Variants in SAXO1 observed in about 807,000 individuals in gnomAD.
SAXO1 encodes the protein 4930500O09Rik.
In SAXO1, 21 loss-of-function variants were observed where a neutral mutation model predicts 17.5. The ratio of observed to expected loss-of-function variants is 1.20; its 90% CI spans 0.85 to 1.72. The LOEUF is 1.72. Ranked by LOEUF, SAXO1 falls within the 40% of genes most tolerant of loss-of-function variation. The probability of loss-of-function intolerance (pLI) is 0.00; values close to 1 mark genes in which losing one functional copy is unlikely to be tolerated. For missense variants in SAXO1, 843 were observed against 596.0 expected (o/e 1.41, Z -4.32); for synonymous variants, 274 against 216.5 (o/e 1.27, Z -2.33).
chr9:19,045,888 G>A (rs78710394), intron 1 of SAXO1, among the ~76,000 whole-genome samples: 3 of 152,100 alleles, frequency 2.0e-5, no homozygotes, highest in Middle Eastern at 3.4e-3. Flanking sequence ...ACTGCCGGGC[G>A]CGGTGGCTCA....
intron 1 of SAXO1, chr9:19,026,987 G>T (rs1057260138): frequency 2.2e-5 from 20 of 907,966 alleles, no homozygotes; most frequent in Non-Finnish European, 3.1e-5. Context: ...CATGGCTTCT[G>T]GACAGTGAGA....
intron 3 of SAXO1, among the ~76,000 whole-genome samples, chr9:18,933,138 A>G (rs1056710141): frequency 2.6e-5 from 4 of 152,122 alleles, no homozygotes; most frequent in Admixed American, 2.0e-4. Context: ...AGTCTTTCAC[A>G]TTAAGTATGA....
intron 1 of SAXO1, among the ~76,000 whole-genome samples, chr9:19,048,393 G>T (rs368466946): frequency 5.9e-5 from 9 of 152,258 alleles, no homozygotes; most frequent in African/African-American, 2.2e-4. Context: ...GGAGGCGTAG[G>T]TTGCAGTGAG....
intron 1 of SAXO1, among the ~76,000 whole-genome samples, chr9:18,958,222 G>A (rs368753497): frequency 1.3e-5 from 2 of 152,110 alleles, no homozygotes; most frequent in East Asian, 1.9e-4. Context: ...TCAGGGGTTC[G>A]AGACTAGCTT....
intron 1 of SAXO1, among the ~76,000 whole-genome samples, chr9:18,973,766 G>C (rs1833035139): frequency 6.6e-6 from 1 of 152,188 alleles, no homozygotes; most frequent in African/African-American, 2.4e-5. Context: ...AGATACAGAA[G>C]GTGTTTAGTC....
intron 1 of SAXO1, among the ~76,000 whole-genome samples, chr9:19,002,384 ACTCT>A (rs1834313115): frequency 1.3e-5 from 2 of 152,324 alleles, no homozygotes; most frequent in East Asian, 1.9e-4. Flanking sequence ...CTCCTCTCTC[ACTCT>A]TTCTATGAGG....
chr9:19,047,933 G>A (rs1836261241), intron 1 of SAXO1, among the ~76,000 whole-genome samples: 1 of 152,146 alleles, frequency 6.6e-6, no homozygotes, highest in Non-Finnish European at 1.5e-5. Flanking sequence ...GGTGAAAGGC[G>A]ATCAGATAAG....
intron 1 of SAXO1, among the ~76,000 whole-genome samples, chr9:19,003,977 T>C (rs968020608): frequency 2.6e-5 from 4 of 152,096 alleles, no homozygotes; most frequent in Non-Finnish European, 5.9e-5. Context: ...GAGAAAAATT[T>C]TGCAATCTAT....
At chr9:18,990,912 A>G (rs1156956806) in intron 1 of SAXO1, among the ~76,000 whole-genome samples, 1 of 152,198 alleles carries the variant, frequency 6.6e-6, no homozygotes, top group East Asian at 1.9e-4. Flanking sequence ...TTGATTCTAC[A>G]TTACAGTGAG....
chr9:18,956,113 T>TCC (rs1563942081), intron 1 of SAXO1, among the ~76,000 whole-genome samples: 3 of 132,966 alleles, frequency 2.3e-5, no homozygotes, highest in Non-Finnish European at 4.6e-5. Flanking sequence ...CTGGCTAATT[T>TCC]TTTTTTTTTT....
At chr9:18,955,939 C>CTT (rs33993984) in intron 1 of SAXO1, among the ~76,000 whole-genome samples, 34,075 of 148,934 alleles carry the variant, frequency 0.23, 7,040 homozygotes, top group African/African-American at 0.56. Context: ...TACTTTTAAA[C>CTT]TTTTTTTTTT....
At chr9:19,028,891 C>A (rs577742838) in intron 1 of SAXO1, among the ~76,000 whole-genome samples, 43 of 152,192 alleles carry the variant, frequency 2.8e-4, no homozygotes, top group Non-Finnish European at 5.9e-4. Context: ...CTGAGCTCTG[C>A]TGGACCCTAA....
intron 1 of SAXO1, among the ~76,000 whole-genome samples, chr9:18,998,819 G>C (rs949271330): frequency 2.6e-5 from 4 of 152,074 alleles, no homozygotes; most frequent in African/African-American, 4.8e-5. Flanking sequence ...CATTCTTAAA[G>C]ACATGTTCAA....
chr9:18,998,683 T>C (rs982497383), intron 1 of SAXO1, among the ~76,000 whole-genome samples: 1 of 151,880 alleles, frequency 6.6e-6, no homozygotes, highest in Admixed American at 6.5e-5. Context: ...AAGGTTGAAA[T>C]GAAGGAAAAA....
intron 1 of SAXO1, among the ~76,000 whole-genome samples, chr9:19,011,335 C>T (rs542188902): frequency 2.0e-5 from 3 of 152,292 alleles, no homozygotes; most frequent in Admixed American, 6.5e-5. Flanking sequence ...GGGCACAACC[C>T]CACAGTGTCA....
chr9:18,998,381 T>G (rs978232881), intron 1 of SAXO1, among the ~76,000 whole-genome samples: 1 of 151,960 alleles, frequency 6.6e-6, no homozygotes, highest in African/African-American at 2.4e-5. Context: ...AAAGATCAAA[T>G]TAATCAAATA....
intron 1 of SAXO1, among the ~76,000 whole-genome samples, chr9:18,979,915 C>T (rs983194915): frequency 6.6e-6 from 1 of 152,086 alleles, no homozygotes; most frequent in African/African-American, 2.4e-5. Flanking sequence ...AAGACCTACA[C>T]TAAAGTGTGA....
At chr9:19,026,847 G>A (rs1221061179) in intron 1 of SAXO1, 6 of 616,070 alleles carry the variant, frequency 9.7e-6, no homozygotes, top group Non-Finnish European at 1.9e-5. Context: ...TGGCCAACAT[G>A]GTGAAACCCC....
intron 1 of SAXO1, among the ~76,000 whole-genome samples, chr9:18,989,753 G>A (rs1342155020): frequency 6.6e-6 from 1 of 152,144 alleles, no homozygotes. Flanking sequence ...CTCCAAGTGG[G>A]TTCTCAGCAT....
Sources: gnomAD v4.1 joint callset for allele counts (sites outside exome capture counted in the v4.1 genomes callset) on GRCh38, gnomAD v4.1.1 for gene constraint, MANE v1.5 for transcripts, NCBI Gene and HGNC (gene_info 2026-07-23, HGNC 2026-07-21) for gene names.